Variants in MACROH2A1 observed in about 807,000 individuals in gnomAD.
The protein encoded by MACROH2A1 is core histone macro-H2A.1.
In MACROH2A1, 2 loss-of-function variants were observed where a neutral mutation model predicts 31.6. That is an observed-to-expected ratio of 0.06 (90% CI 0.03 to 0.20). The LOEUF (loss-of-function observed/expected upper bound fraction) is 0.20. Ranked by LOEUF, MACROH2A1 falls within the 10% of genes least tolerant of loss-of-function variation. MACROH2A1 has a pLI of 1.00. For missense variants in MACROH2A1, 230 were observed against 474.0 expected, an observed-to-expected ratio of 0.49 and a Z score of 4.78; for synonymous variants, 169 against 189.6, an observed-to-expected ratio of 0.89 and a Z score of 0.89.
At chr5:135,381,607 C>A (rs1219540029) in intron 2 of MACROH2A1, among the ~76,000 whole-genome samples, 1 of 151,650 alleles carries the variant, frequency 6.6e-6, no homozygotes, top group Non-Finnish European at 1.5e-5. Context: ...AGAGTGAGAT[C>A]CTATTTCAAA....
intron 5 of MACROH2A1, chr5:135,360,095 G>A (rs543134515): frequency 5.6e-5 from 15 of 267,204 alleles, no homozygotes; most frequent in Non-Finnish European, 1.0e-4. Flanking sequence ...TACCGTTAGT[G>A]CCCCCCAGGA....
intron 2 of MACROH2A1, among the ~76,000 whole-genome samples, chr5:135,374,755 T>G (rs1764632591): frequency 6.6e-6 from 1 of 152,222 alleles, no homozygotes; most frequent in Non-Finnish European, 1.5e-5. Context: ...ACAAAAATCC[T>G]TTTCTCCAGA....
chr5:135,360,539 G>A lies in MACROH2A1; in HGVS notation c.546C>T (p.Gly182=). The change falls in exon 5 of 9, where the codon GGC becomes GGT. Residue 182 remains glycine, a synonymous_variant. Coordinates refer to ENST00000511689, the MANE Select transcript of MACROH2A1 (RefSeq NM_138610.3). ...DSTTEGTPAD[G]FTVLSTKSLF... ...GGCTCTTGGTGGAGAGGACTGTGAA[G>A]CCGTCGGCAGGTGTGCCCTCGGTTG... 6.2e-7 allele frequency: 1 copy of A among 1,613,950 alleles called. No homozygotes were observed. Among genetic ancestry groups the A allele is most frequent in the East Asian group, 2.2e-5 (1 of 44,878 alleles).
intron 5 of MACROH2A1, chr5:135,353,376 G>A (rs1270502439): frequency 3.3e-6 from 1 of 301,240 alleles, no homozygotes; most frequent in Non-Finnish European, 6.4e-6. Context: ...TCAGGACCTA[G>A]AATGAGTACT....
chr5:135,396,401 T>C (rs1482589496), intron 1 of MACROH2A1, among the ~76,000 whole-genome samples: 1 of 152,190 alleles, frequency 6.6e-6, no homozygotes, highest in Non-Finnish European at 1.5e-5. Flanking sequence ...TAGGATAAAG[T>C]GTGGGTCTGA....
At chr5:135,393,273 A>C (rs747129077) in intron 1 of MACROH2A1, among the ~76,000 whole-genome samples, 3 of 152,218 alleles carry the variant, frequency 2.0e-5, no homozygotes, top group Non-Finnish European at 4.4e-5. Flanking sequence ...CCAGGCCTGC[A>C]AATGGGGCAC....
At chr5:135,340,328 C>T (rs1262182808) in intron 8 of MACROH2A1, among the ~76,000 whole-genome samples, 2 of 152,154 alleles carry the variant, frequency 1.3e-5, no homozygotes, top group Non-Finnish European at 2.9e-5. Context: ...AAGGGTTTAG[C>T]ACCGCGCCTG....
Position 135,377,274 on chromosome 5 carries a change from G to C in MACROH2A1, c.173-7132C>G, listed in dbSNP as rs544195350. Among the ~76,000 whole-genome samples the C allele has an allele frequency of 4.6e-5, 7 of 152,306 alleles. No homozygotes were observed. The East Asian group carries it at 1.2e-3, about 25-fold the overall frequency. Reference sequence around the variant, plus strand: ...TGGCTGGCAGCTGGGCAGGACCTCTGACCCACCAATCACTTGCTGTCAAGG... The same window carrying C: ...TGGCTGGCAGCTGGGCAGGACCTCTCACCCACCAATCACTTGCTGTCAAGG... On this transcript the variant is annotated intron_variant, in intron 2 of 8. Coordinates refer to ENST00000511689, the MANE Select transcript of MACROH2A1 (RefSeq NM_138610.3).
At chr5:135,358,088 TATA>T (rs963419120) in intron 5 of MACROH2A1, 17 of 984,066 alleles carry the variant, frequency 1.7e-5, no homozygotes, top group Admixed American at 1.2e-4. Flanking sequence ...AATTAATGTC[TATA>T]ATATTTTAAA....
At chr5:135,386,390 G>A (rs186787478) in intron 2 of MACROH2A1, among the ~76,000 whole-genome samples, 6 of 152,352 alleles carry the variant, frequency 3.9e-5, no homozygotes, top group Admixed American at 2.6e-4. Context: ...ACTCAGTGCC[G>A]CATGCAGGCA....
intron 2 of MACROH2A1, among the ~76,000 whole-genome samples, chr5:135,378,036 C>G (rs531846158): frequency 2.0e-5 from 3 of 152,256 alleles, no homozygotes; most frequent in Non-Finnish European, 2.9e-5. Context: ...CTGAGGACTG[C>G]TTGTCTAAGG....
intron 5 of MACROH2A1, chr5:135,359,986 T>C (rs1401737397): frequency 2.6e-5 from 20 of 764,964 alleles, no homozygotes; most frequent in Non-Finnish European, 3.0e-5. Context: ...AACAATTAGC[T>C]GGAAGAGTCA....
chr5:135,377,925 TGA>T (rs1164694978), intron 2 of MACROH2A1, among the ~76,000 whole-genome samples: 2 of 152,118 alleles, frequency 1.3e-5, no homozygotes, highest in Non-Finnish European at 2.9e-5. Context: ...TAGAGCAGTG[TGA>T]GTGTGTCATA....
chr5:135,398,054 A>G lies in MACROH2A1; in HGVS notation c.-34+1008T>C, dbSNP rs1768261527. 6.6e-6 allele frequency among the ~76,000 whole-genome samples: 1 copy of G among 152,206 alleles called. No homozygotes were observed. Among genetic ancestry groups the G allele is most frequent in the African/African-American group, 2.4e-5 (1 of 41,440 alleles). On this transcript the variant is annotated intron_variant, in intron 1 of 8. Transcript: ENST00000511689. The surrounding 1 kb of genome is among the most constrained non-coding windows in gnomAD (Gnocchi z 4.6). ...TTACAAGGCCTTTATAGTCATTGTA[A>G]TTGTTGAATTCAAGGTTTGTCCCAG...
intron 5 of MACROH2A1, chr5:135,360,161 C>A: frequency 3.1e-6 from 1 of 326,302 alleles, no homozygotes; most frequent in Non-Finnish European, 5.8e-6. Flanking sequence ...TGACTTCTGC[C>A]TGATTCCCTG....
At chr5:135,386,225 A>G (rs919269260) in intron 2 of MACROH2A1, among the ~76,000 whole-genome samples, 2 of 152,164 alleles carry the variant, frequency 1.3e-5, no homozygotes, top group Non-Finnish European at 2.9e-5. Context: ...CAGCATTCTC[A>G]CTAGACATGG....
chr5:135,384,239 A>C lies in MACROH2A1; in HGVS notation c.172+4683T>G, dbSNP rs1442738721. 2.0e-5 allele frequency among the ~76,000 whole-genome samples: 3 copies of C among 152,262 alleles called. No homozygotes were observed. The East Asian group carries it at 5.8e-4, about 29-fold the overall frequency. The stretch of plus-strand genomic sequence containing the variant: ...CTCTCTACCCACTTCTAGGAGATGG[A>C]GGCAGGGATGGGTTGTGGCCCTATG... On this transcript the variant is annotated intron_variant, in intron 2 of 8. Coordinates refer to ENST00000511689, the MANE Select transcript of MACROH2A1 (RefSeq NM_138610.3).
chr5:135,378,505 C>T (rs1317947958), intron 2 of MACROH2A1, among the ~76,000 whole-genome samples: 1 of 152,222 alleles, frequency 6.6e-6, no homozygotes, highest in Non-Finnish European at 1.5e-5. Flanking sequence ...AGAGTCTGTC[C>T]CCTCAGGCTG....
chr5:135,393,230 C>A (rs1298758124), intron 1 of MACROH2A1, among the ~76,000 whole-genome samples: 1 of 152,172 alleles, frequency 6.6e-6, no homozygotes, highest in Non-Finnish European at 1.5e-5. Context: ...AAGAAAAAGA[C>A]CATGGATAAT....
Sources: allele counts gnomAD v4.1 joint callset (sites outside exome capture counted in the v4.1 genomes callset), GRCh38; gene constraint gnomAD v4.1.1; non-coding constraint Gnocchi (gnomAD v3.1); transcripts MANE v1.5; gene names NCBI Gene and HGNC (gene_info 2026-07-23, HGNC 2026-07-21).